Variants in ITGA2 observed in about 807,000 individuals in gnomAD.
ITGA2 encodes integrin alpha-2.
ITGA2 carries 101 observed loss-of-function variants against 146.3 expected under a neutral mutation model. The ratio of observed to expected loss-of-function variants is 0.69; its 90% CI spans 0.59 to 0.81. The LOEUF (loss-of-function observed/expected upper bound fraction) is 0.81, where lower values mean the gene tolerates loss of function less well. Among genes scored for constraint, ITGA2 ranks in the 40% least tolerant of loss-of-function variants. The pLI is 0.00. For synonymous variants in ITGA2, 477 were observed against 487.1 expected (o/e 0.98, Z 0.27); for missense variants, 1,281 against 1,402.7 (o/e 0.91, Z 1.39).
intron 8 of ITGA2, 85 bp from the exon 9 acceptor site, chr5:53,055,899 T>C: frequency 7.3e-7 from 1 of 1,365,774 alleles, no homozygotes; most frequent in South Asian, 1.2e-5. Flanking sequence ...CCAGAGGGAA[T>C]ATTGTGTTCA....
Position 53,085,650 on chromosome 5 carries a change from C to T in ITGA2, c.3259-1302C>T, listed in dbSNP as rs574538943. Among the ~76,000 whole-genome samples, 16 of 152,260 alleles carry T rather than the reference C, an allele frequency of 1.1e-4. No homozygotes were observed. In the South Asian group the frequency reaches 1.5e-3, roughly 14 times the overall value. On this transcript the variant is annotated intron_variant, in intron 27 of 29. Coordinates refer to ENST00000296585, the MANE Select transcript of ITGA2 (RefSeq NM_002203.4). ...TGAGAAAATTAACAGTAACCAGAGA[C>T]TGAGCCAGTGGAAAGGAAATAAATT... is the stretch of plus-strand genomic sequence containing the variant.
chr5:53,066,091 G>T (rs1745138084), intron 15 of ITGA2, 114 bp downstream of exon 15: 8 of 990,692 alleles, frequency 8.1e-6, no homozygotes, highest in Non-Finnish European at 1.3e-5. Context: ...AGACTATAGG[G>T]AATCGATGTA....
chr5:53,080,203 T>A (rs1361242377), intron 24 of ITGA2, among the ~76,000 whole-genome samples: 1 of 152,130 alleles, frequency 6.6e-6, no homozygotes, highest in South Asian at 2.1e-4. Context: ...TTTTTTTCCA[T>A]TGAGCCATTT....
At chr5:53,014,179 G>A (rs1185392576) in intron 1 of ITGA2, among the ~76,000 whole-genome samples, 2 of 152,160 alleles carry the variant, frequency 1.3e-5, no homozygotes, top group South Asian at 2.1e-4. Flanking sequence ...TCTTGTTCTG[G>A]TTCTCTAAGG....
At chr5:53,049,275 G>A (rs1333480311) in intron 6 of ITGA2, among the ~76,000 whole-genome samples, 1 of 152,164 alleles carries the variant, frequency 6.6e-6, no homozygotes, top group African/African-American at 2.4e-5. Flanking sequence ...GCCTCCCAAA[G>A]TGCTGGGATT....
In ITGA2 at chr5:53,038,307, C is replaced by T. The variant is rs143094235; in HGVS notation, c.186-3805C>T. On this transcript the variant is annotated intron_variant, in intron 2 of 29. Transcript: ENST00000296585. The stretch of plus-strand genomic sequence containing the variant: ...TGTGGTGAGGATGGTTGGAAATGTG[C>T]ATAATAGAATCACCTGAATTTGGTA... Among the ~76,000 whole-genome samples, 276 of 152,016 alleles carry T rather than the reference C, an allele frequency of 1.8e-3. 1 individual carries two copies. Among genetic ancestry groups the T allele is most frequent in the African/African-American group, 6.5e-3 (269 of 41,462 alleles).
At chr5:53,023,547 G>A (rs1393443854) in intron 1 of ITGA2, among the ~76,000 whole-genome samples, 2 of 152,098 alleles carry the variant, frequency 1.3e-5, no homozygotes, top group Non-Finnish European at 2.9e-5. Flanking sequence ...AGAGAACAGG[G>A]AGATTTTAGT....
At chr5:53,071,775 G>C (rs1057013906) in intron 17 of ITGA2, among the ~76,000 whole-genome samples, 163 bp from the exon 18 acceptor site, 1 of 151,970 alleles carries the variant, frequency 6.6e-6, no homozygotes. Context: ...AAGAAAAGAA[G>C]CGAGAGTCTT....
intron 2 of ITGA2, among the ~76,000 whole-genome samples, chr5:53,036,256 A>G (rs1344755274): frequency 1.3e-5 from 2 of 152,150 alleles, no homozygotes; most frequent in African/African-American, 2.4e-5. Flanking sequence ...GCTTCAATAC[A>G]ATGATTCCCA....
rs540524102 is a variant in ITGA2 at position 53,038,697 on chromosome 5, CGCACTTGGTTTTCA to C, written c.186-3414_186-3401del. ...CCTAAGCGTTAAGAACCTGGGCTTC[CGCACTTGGTTTTCA>C]CTAGCCATGGGAACATGAGCAAGTC... On this transcript the variant is annotated intron_variant, in intron 2 of 29. Transcript: ENST00000296585. Among the ~76,000 whole-genome samples the C allele has an allele frequency of 1.9e-4, 29 of 152,288 alleles. 1 individual carries two copies. In the East Asian group the frequency reaches 5.6e-3, roughly 29 times the overall value.
intron 16 of ITGA2, among the ~76,000 whole-genome samples, chr5:53,067,614 T>A (rs539874600): frequency 6.6e-6 from 1 of 152,072 alleles, no homozygotes; most frequent in East Asian, 1.9e-4. Flanking sequence ...TCATGTTGGC[T>A]ATGCCATGAT....
intron 9 of ITGA2, among the ~76,000 whole-genome samples, chr5:53,056,773 G>A (rs899806270): frequency 6.6e-6 from 1 of 151,592 alleles, no homozygotes; most frequent in Non-Finnish European, 1.5e-5. Flanking sequence ...AAGATCACGT[G>A]TTCAGGAGCT....
chr5:53,074,252 G>T, intron 20 of ITGA2, 133 bp from the exon 21 acceptor site: 3 of 730,144 alleles, frequency 4.1e-6, no homozygotes, highest in Non-Finnish European at 5.0e-6. Flanking sequence ...CAAGTCTTGA[G>T]GTATAATAAA....
At chr5:53,032,761 A>C (rs1287988880) in intron 2 of ITGA2, among the ~76,000 whole-genome samples, 3 of 152,222 alleles carry the variant, frequency 2.0e-5, no homozygotes, top group African/African-American at 7.2e-5. Flanking sequence ...TTTCCTGGGC[A>C]AAGATGATAG....
intron 13 of ITGA2, among the ~76,000 whole-genome samples, chr5:53,063,161 GAATA>G (rs1173415944): frequency 3.3e-5 from 5 of 151,832 alleles, no homozygotes; most frequent in Admixed American, 6.6e-5. Flanking sequence ...AGAGGTCTTT[GAATA>G]TATAGTCTCT....
chr5:53,026,912 T>C, intron 2 of ITGA2, 44 bp downstream of exon 2: 1 of 1,551,314 alleles, frequency 6.4e-7, no homozygotes, highest in Non-Finnish European at 8.9e-7. Flanking sequence ...AAATACAAAA[T>C]AAATTTCATA....
intron 1 of ITGA2, among the ~76,000 whole-genome samples, chr5:53,004,047 C>T (rs1741710406): frequency 6.6e-6 from 1 of 152,060 alleles, no homozygotes; most frequent in African/African-American, 2.4e-5. Context: ...GGTGTCTGGT[C>T]TGTGCATTGT....
intron 9 of ITGA2, among the ~76,000 whole-genome samples, chr5:53,057,301 G>A (rs755794256): frequency 2.0e-5 from 3 of 151,948 alleles, no homozygotes; most frequent in Non-Finnish European, 4.4e-5. Flanking sequence ...ATAAGACTAT[G>A]TTGTACAGTA....
chr5:53,021,665 G>T (rs938585054), intron 1 of ITGA2, among the ~76,000 whole-genome samples: 24 of 152,140 alleles, frequency 1.6e-4, no homozygotes, highest in African/African-American at 4.1e-4. Flanking sequence ...TCAGGCATGG[G>T]AGAAATGTGC....
Sources: allele counts gnomAD v4.1 joint callset (sites outside exome capture counted in the v4.1 genomes callset), GRCh38; gene constraint gnomAD v4.1.1; transcripts MANE v1.5; gene names NCBI Gene and HGNC (gene_info 2026-07-23, HGNC 2026-07-21).